Variants in PDE12 observed in about 807,000 individuals in gnomAD.
The protein encoded by PDE12 is 2',5'-phosphodiesterase 12.
A neutral mutation model predicts 45.4 loss-of-function variants in PDE12; 26 were observed. The ratio of observed to expected loss-of-function variants is 0.57; its 90% CI spans 0.42 to 0.79. The LOEUF (loss-of-function observed/expected upper bound fraction) is 0.79. Ranked by LOEUF, PDE12 falls within the 30% of genes least tolerant of loss-of-function variation. The probability of loss-of-function intolerance (pLI) is 0.00; values close to 1 mark genes in which losing one functional copy is unlikely to be tolerated. For synonymous variants in PDE12, 283 were observed against 323.9 expected, an observed-to-expected ratio of 0.87 and a Z score of 1.36; for missense variants, 668 against 790.0, an observed-to-expected ratio of 0.85 and a Z score of 1.85.
At chr3:57,569,253 C>T (rs2069812620), downstream of PDE12, among the ~76,000 whole-genome samples, 1 of 151,732 alleles carries the variant, frequency 6.6e-6, no homozygotes, top group Non-Finnish European at 1.5e-5. Flanking sequence ...ACATTTAAAC[C>T]ACTTCTGTTT....
the PDE12 span, among the ~76,000 whole-genome samples, chr3:57,610,496 C>A: frequency 1.9e-4 from 28 of 147,418 alleles, no homozygotes; most frequent in South Asian, 4.7e-4. Flanking sequence ...CCATCATCTC[C>A]GCCCAAAATC....
At chr3:57,584,481 T>C in the PDE12 span, 10 of 1,601,004 alleles carry the variant, frequency 6.2e-6, no homozygotes, top group African/African-American at 1.3e-5. Context: ...GAAGACATTA[T>C]AGATTTAAAA....
At chr3:57,608,185 G>A in the PDE12 span, among the ~76,000 whole-genome samples, 1 of 152,070 alleles carries the variant, frequency 6.6e-6, no homozygotes, top group African/African-American at 2.4e-5. Flanking sequence ...ACAAGCAAAT[G>A]CTGAGAGATT....
At chr3:57,610,539 T>C in the PDE12 span, among the ~76,000 whole-genome samples, 2 of 152,092 alleles carry the variant, frequency 1.3e-5, no homozygotes, top group Admixed American at 6.6e-5. Flanking sequence ...CAGCAAAGTC[T>C]CAGGATACAA....
At chr3:57,614,505 G>A in the PDE12 span, among the ~76,000 whole-genome samples, 1 of 150,390 alleles carries the variant, frequency 6.6e-6, no homozygotes, top group South Asian at 2.1e-4. Context: ...CGGACACGGT[G>A]GCTCACGCCT....
At chr3:57,583,694 C>T in the PDE12 span, among the ~76,000 whole-genome samples, 6 of 152,086 alleles carry the variant, frequency 3.9e-5, no homozygotes, top group South Asian at 2.1e-4. Flanking sequence ...AAACACTTAC[C>T]GCAATTGCTT....
the PDE12 span, among the ~76,000 whole-genome samples, chr3:57,636,936 CAA>C: frequency 2.5e-4 from 13 of 51,994 alleles, no homozygotes; most frequent in Admixed American, 6.0e-4. Flanking sequence ...GACTCTGTCT[CAA>C]AAAAAAAAAA....
the PDE12 span, chr3:57,631,024 T>G: frequency 6.3e-7 from 1 of 1,577,792 alleles, no homozygotes; most frequent in Non-Finnish European, 8.6e-7. Flanking sequence ...TTCAAAAATA[T>G]TTAAACAGAC....
rs2069710916 is a variant in PDE12, at chr3:57,560,029, C to A, written c.*25C>A. ...GATGTGTGTTTAATGGAATTGAAGT[C>A]TGAAAAGGAAGTAGTTATTTTAGCA... On this transcript the variant is annotated 3_prime_UTR_variant, in exon 3 of 3. Transcript: ENST00000311180. The A allele has an allele frequency of 6.4e-7, 1 of 1,564,016 alleles. No individual in the cohort carries two copies. Among genetic ancestry groups the A allele is most frequent in the South Asian group, 1.2e-5 (1 of 85,380 alleles).
the PDE12 span, among the ~76,000 whole-genome samples, chr3:57,637,211 C>A: frequency 6.6e-6 from 1 of 152,178 alleles, no homozygotes; most frequent in African/African-American, 2.4e-5. Context: ...TTGATATTTA[C>A]CTGGTATGCA....
At chr3:57,628,266 A>G in the PDE12 span, 10 of 1,614,154 alleles carry the variant, frequency 6.2e-6, no homozygotes, top group South Asian at 9.9e-5. Context: ...TGGCAATGCT[A>G]AGATAATGGC....
chr3:57,604,616 T>TGG, the PDE12 span, among the ~76,000 whole-genome samples: 13 of 10,248 alleles, frequency 1.3e-3, no homozygotes, highest in Non-Finnish European at 2.5e-3. Context: ...TTTTTTTTTT[T>TGG]TGGGGGGGGT....
At chr3:57,602,910 G>A in the PDE12 span, among the ~76,000 whole-genome samples, 1 of 152,166 alleles carries the variant, frequency 6.6e-6, no homozygotes, top group East Asian at 1.9e-4. Context: ...GTTAGGCCAG[G>A]TGCAGTGGCT....
At chr3:57,575,740 T>C in the PDE12 span, 48 of 1,490,630 alleles carry the variant, frequency 3.2e-5, no homozygotes, top group East Asian at 1.2e-4. Flanking sequence ...TGTCTTCCTA[T>C]ATATACTTTA....
the PDE12 span, among the ~76,000 whole-genome samples, chr3:57,647,348 C>G: frequency 2.6e-5 from 4 of 152,276 alleles, no homozygotes; most frequent in East Asian, 7.7e-4. Context: ...TTCCTCTTCC[C>G]TTCCTAAACA....
At chr3:57,613,100 C>T in the PDE12 span, among the ~76,000 whole-genome samples, 1 of 151,798 alleles carries the variant, frequency 6.6e-6, no homozygotes, top group East Asian at 2.0e-4. Context: ...CCTGCCTCAG[C>T]CTCCCAAGTA....
chr3:57,595,100 C>G, the PDE12 span, among the ~76,000 whole-genome samples: 1 of 152,130 alleles, frequency 6.6e-6, no homozygotes. Context: ...AATATTTTTT[C>G]TCTCCCATTT....
chr3:57,610,600 CAGAG>C, the PDE12 span, among the ~76,000 whole-genome samples: 4 of 152,092 alleles, frequency 2.6e-5, no homozygotes, highest in South Asian at 2.1e-4. Context: ...AACAGACAAA[CAGAG>C]AGCCAAATCA....
the PDE12 span, among the ~76,000 whole-genome samples, chr3:57,639,982 G>A: frequency 6.6e-6 from 1 of 152,076 alleles, no homozygotes; most frequent in Admixed American, 6.5e-5. Context: ...TTTAAAAGTA[G>A]TGGTTGCTGG....
Sources: allele counts gnomAD v4.1 joint callset (sites outside exome capture counted in the v4.1 genomes callset), GRCh38; gene constraint gnomAD v4.1.1; transcripts MANE v1.5; gene names NCBI Gene and HGNC (gene_info 2026-07-23, HGNC 2026-07-21).